ABCA3: variants seen among roughly 807,000 people sequenced by gnomAD.
ABCA3 encodes the protein phospholipid-transporting ATPase ABCA3.
ABCA3 carries 88 observed loss-of-function variants against 172.8 expected under a neutral mutation model. The ratio of observed to expected loss-of-function variants is 0.51; its 90% CI spans 0.43 to 0.61. ABCA3 has a LOEUF of 0.61. ABCA3 is among the 20% of genes least tolerant of loss of function. The pLI, the probability that ABCA3 is intolerant of heterozygous loss-of-function variation, is 0.00. For missense variants in ABCA3, 2,164 were observed against 2,301.0 expected (o/e 0.94, Z 1.22); for synonymous variants, 1,066 against 983.8 (o/e 1.08, Z -1.56).
Position 2,284,562 on chromosome 16 carries a change from G to T in ABCA3, c.3704-125C>A. 1 of 1,418,748 alleles carries T rather than the reference G, an allele frequency of 7.0e-7. No individual in the cohort carries two copies. The highest frequency in any genetic ancestry group is 9.9e-7 in the Non-Finnish European group (1 of 1,013,290). 87.9% of individuals were successfully genotyped at this position (1,418,748 alleles called of 1,614,324 possible). A position where few individuals can be genotyped will look rare whatever the true frequency, so the allele number is the denominator to read the frequency against. On this transcript the variant is annotated intron_variant, in intron 24 of 32. Coordinates refer to ENST00000301732, the MANE Select transcript of ABCA3 (RefSeq NM_001089.3). This position sits in a 1 kb window ranked among gnomAD's most constrained non-coding sequence, Gnocchi z 5.9. ...TGTGGAGTGAGGGGGCACCTCCCAG[G>T]GACGCCCCTGCCGGCTCTGCACAGG...
At position 2,286,234 on chromosome 16, in the gene ABCA3, G is replaced by A. The variant is rs535221311; in HGVS notation, c.3278+460C>T. Among the ~76,000 whole-genome samples the A allele has an allele frequency of 1.3e-5, 2 of 152,328 alleles. No individual in the cohort carries two copies. Among genetic ancestry groups the A allele is most frequent in the East Asian group, 1.9e-4 (1 of 5,190 alleles). On this transcript the variant is annotated intron_variant, in intron 22 of 32. Transcript: ENST00000301732. This position sits in a 1 kb window ranked among gnomAD's most constrained non-coding sequence, Gnocchi z 5.2. ...CAGGAGCTCTGGGGGCTCTGTGGCCGGCATAGGGGGTAGCCCTGCCCACAC... is the reference window on the plus strand; with the variant it reads ...CAGGAGCTCTGGGGGCTCTGTGGCCAGCATAGGGGGTAGCCCTGCCCACAC...
intron 11 of ABCA3, among the ~76,000 whole-genome samples, chr16:2,307,992 G>A (rs1056421420): frequency 3.3e-5 from 5 of 152,214 alleles, no homozygotes; most frequent in Admixed American, 3.3e-4. Flanking sequence ...TATTCAGGAG[G>A]CTGAGGCAGG....
chr16:2,338,309 G>A (rs1350621867), intron 1 of ABCA3, among the ~76,000 whole-genome samples: 2 of 152,190 alleles, frequency 1.3e-5, no homozygotes, highest in Non-Finnish European at 2.9e-5. Flanking sequence ...TTCCCCACAA[G>A]ATGTGGGCCT....
In ABCA3 at chr16:2,284,809, A is replaced by G; in HGVS notation, c.3673T>C (p.Phe1225Leu). The change falls in exon 24 of 33, where the codon TTC (phenylalanine) becomes CTC (leucine). Residue 1225 changes from phenylalanine to leucine, a missense_variant. Physicochemically the swap from Phe to Leu is conservative, Grantham distance 22. This residue lies in a region of ABCA3 where 795 missense variants were observed against 881.9 expected (regional missense o/e 0.90). Coordinates refer to ENST00000301732, the MANE Select transcript of ABCA3 (RefSeq NM_001089.3). The surrounding 1 kb of genome is among the most constrained non-coding windows in gnomAD (Gnocchi z 5.9). ...IFNILSGIAT[F>L]LMVTIMRIPA... Reference sequence around the variant, plus strand: ...ATGCGCATGATGGTGACCATCAGGAAGGTGGCGATGCCTGACAGGATGTTG... The same window carrying G: ...ATGCGCATGATGGTGACCATCAGGAGGGTGGCGATGCCTGACAGGATGTTG... 1 of 1,613,864 alleles carries G rather than the reference A, an allele frequency of 6.2e-7. No homozygotes were observed. Among genetic ancestry groups the G allele is most frequent in the African/African-American group, 1.3e-5 (1 of 75,016 alleles).
chr16:2,332,977 T>C (rs989947202), intron 1 of ABCA3, among the ~76,000 whole-genome samples: 2 of 152,140 alleles, frequency 1.3e-5, no homozygotes, highest in African/African-American at 2.4e-5. Context: ...TGGCTACTTA[T>C]TATATTTTTT....
intron 12 of ABCA3, among the ~76,000 whole-genome samples, chr16:2,300,477 G>A (rs1032542850): frequency 6.6e-6 from 1 of 152,182 alleles, no homozygotes; most frequent in Non-Finnish European, 1.5e-5. Flanking sequence ...CTCCAGTCCA[G>A]AGGGATGTTG....
intron 18 of ABCA3, among the ~76,000 whole-genome samples, chr16:2,295,085 T>C (rs2093677631): frequency 1.3e-5 from 2 of 152,246 alleles, no homozygotes; most frequent in Admixed American, 1.3e-4. Flanking sequence ...AATAAACTGA[T>C]ATTATCCAGA....
intron 20 of ABCA3, 142 bp downstream of exon 20, chr16:2,289,292 G>GCTGCCCGCCCT: frequency 9.7e-7 from 1 of 1,027,594 alleles, no homozygotes; most frequent in Non-Finnish European, 1.4e-6. Flanking sequence ...GGTGTGAGCC[G>GCTGCCCGCCCT]CTGCCCGCCC....
intron 11 of ABCA3, among the ~76,000 whole-genome samples, chr16:2,307,571 A>C (rs926236527): frequency 6.6e-6 from 1 of 152,086 alleles, no homozygotes; most frequent in Non-Finnish European, 1.5e-5. Flanking sequence ...AAAGAAAAAA[A>C]GTCCTCAAAA....
chr16:2,312,936 G>T (rs1212730234), intron 10 of ABCA3, among the ~76,000 whole-genome samples: 2 of 151,824 alleles, frequency 1.3e-5, no homozygotes, highest in Non-Finnish European at 1.5e-5. Context: ...TGTGGCCCCA[G>T]CTGCTTGGGA....
In ABCA3 at chr16:2,297,859, G is replaced by A. The variant is rs1197902834; in HGVS notation, c.1959C>T (p.Gly653=). 1.2e-6 allele frequency: 2 copies of A among 1,613,730 alleles called. No individual in the cohort carries two copies. Among genetic ancestry groups the A allele is most frequent in the Admixed American group, 1.7e-5 (1 of 60,008 alleles). ...EEVKQMLHII[G]LEDKWNSRSR... ...TCCGTGAGTTCCACTTGTCCTCCAG[G>A]CCGATGATGTGCAGCATCTGCTTGA... The change falls in exon 16 of 33, where the codon GGC becomes GGT. Residue 653 remains glycine (G), a synonymous_variant. Coordinates refer to ENST00000301732, the MANE Select transcript of ABCA3 (RefSeq NM_001089.3). The surrounding 1 kb of genome is among the most constrained non-coding windows in gnomAD (Gnocchi z 5.6).
rs2093734570 is a variant in ABCA3, at chr16:2,326,448, G to C, written c.19C>G (p.Leu7Val). 2 of 1,612,262 alleles carry C rather than the reference G, an allele frequency of 1.2e-6. No individual in the cohort carries two copies. Among genetic ancestry groups the C allele is most frequent in the Middle Eastern group, 1.7e-4 (1 of 6,060 alleles). The change falls in exon 4 of 33, where the codon CTG becomes GTG. Residue 7 changes from leucine (L) to valine (V), a missense_variant. This residue lies in a region of ABCA3 where 1,343 missense variants were observed against 1,369.6 expected (regional missense o/e 0.98). Coordinates refer to ENST00000301732, the MANE Select transcript of ABCA3 (RefSeq NM_001089.3). ...TAGTTCTTCCAGAGGAGGAGCGCCA[G>C]CTGCCTGAGCACAGCCATCGTCTTG... The part of the protein sequence containing the change: MAVLRQ[L>V]ALLLWKNYTL...
intron 28 of ABCA3, among the ~76,000 whole-genome samples, chr16:2,280,475 C>G (rs969817808): frequency 6.6e-6 from 1 of 152,224 alleles, no homozygotes; most frequent in South Asian, 2.1e-4. Flanking sequence ...GGCCCAGGGC[C>G]TCTGCTGTCC....
In ABCA3 at chr16:2,283,307, C is replaced by A. The variant is rs368631015; in HGVS notation, c.3914G>T (p.Arg1305Leu). The change falls in exon 26 of 33, where the codon CGG becomes CTG. Residue 1305 changes from arginine to leucine, a missense_variant. Transcript: ENST00000301732. The surrounding 1 kb of genome is among the most constrained non-coding windows in gnomAD (Gnocchi z 5.4). ...TGAGGCGGCCATGGAGGCCACAAAC[C>A]GGCCGACCCCCGGGGCGCTCCAGGC... The part of the protein sequence containing the change: ...FYAWSAPGVG[R>L]FVASMAASGC... 13 of 1,613,082 alleles carry A rather than the reference C, an allele frequency of 8.1e-6. No homozygotes were observed. The highest frequency in any genetic ancestry group is 1.0e-5 in the Non-Finnish European group (12 of 1,179,992).
In ABCA3 at chr16:2,289,434, C is replaced by G; in HGVS notation, c.2700G>C (p.Gly900=). Reference sequence around the variant, plus strand: ...CCCGCCCACCCACCTGGGCACTCACCCCAGTGTTGAGCTTGACAGCGGTGC... The same window carrying G: ...CCCGCCCACCCACCTGGGCACTCACGCCAGTGTTGAGCTTGACAGCGGTGC... The part of the protein sequence containing the change: ...EERTAVKLNT[G]LALHCQQFWA... Residue 900 remains glycine (G), a splice_region_variant and synonymous_variant, in exon 20 of 33, where the codon GGG becomes GGC. Coordinates refer to ENST00000301732, the MANE Select transcript of ABCA3 (RefSeq NM_001089.3). 3.2e-6 allele frequency: 5 copies of G among 1,582,120 alleles called. No individual in the cohort carries two copies. Among genetic ancestry groups the G allele is most frequent in the Non-Finnish European group, 4.3e-6 (5 of 1,166,786 alleles).
intron 1 of ABCA3, among the ~76,000 whole-genome samples, chr16:2,331,646 T>G (rs1232285830): frequency 6.6e-6 from 1 of 152,280 alleles, no homozygotes; most frequent in Non-Finnish European, 1.5e-5. Context: ...TTACAAAATC[T>G]GGCAAGTTTT....
intron 12 of ABCA3, among the ~76,000 whole-genome samples, chr16:2,302,375 T>A (rs1239671948): frequency 6.6e-6 from 1 of 152,202 alleles, no homozygotes; most frequent in Non-Finnish European, 1.5e-5. Flanking sequence ...TATGTTTAGA[T>A]AATAGTTTAA....
intron 5 of ABCA3, among the ~76,000 whole-genome samples, chr16:2,325,042 C>A (rs893332022): frequency 6.6e-6 from 1 of 152,132 alleles, no homozygotes; most frequent in Non-Finnish European, 1.5e-5. Context: ...GAATTAAAGC[C>A]CGGGAGGTAA....
intron 4 of ABCA3, 57 bp downstream of exon 4, chr16:2,326,356 C>T: frequency 6.2e-7 from 1 of 1,611,900 alleles, no homozygotes; most frequent in South Asian, 1.1e-5. Flanking sequence ...TCAAGGGCAT[C>T]CCCAGGAGCC....
Sources: allele counts gnomAD v4.1 joint callset (sites outside exome capture counted in the v4.1 genomes callset), GRCh38; gene constraint gnomAD v4.1.1; regional missense constraint gnomAD v4.1.1; non-coding constraint Gnocchi (gnomAD v3.1); transcripts MANE v1.5; gene names NCBI Gene and HGNC (gene_info 2026-07-23, HGNC 2026-07-21).